The following PFKFB4 variants were observed in gnomAD, a reference collection of about 807,000 sequenced individuals.
The protein encoded by PFKFB4 is 6-phosphofructo-2-kinase/fructose-2,6-bisphosphatase 4.
PFKFB4 carries 42 observed loss-of-function variants against 62.8 expected under a neutral mutation model. That is an observed-to-expected ratio of 0.67 (90% confidence interval 0.52 to 0.86). PFKFB4 has a LOEUF of 0.86. PFKFB4 is among the 40% of genes least tolerant of loss of function. The pLI is 0.00. For missense variants in PFKFB4, 475 were observed against 627.2 expected (o/e 0.76, Z 2.59); for synonymous variants, 204 against 240.7 (o/e 0.85, Z 1.41).
At chr3:48,562,817 G>T, upstream of PFKFB4, 1 of 1,568,196 alleles carries the variant, frequency 6.4e-7, no homozygotes, top group Non-Finnish European at 8.6e-7. The surrounding 1 kb of genome is among the most constrained non-coding windows in gnomAD (Gnocchi z 4.3). Context: ...CAGGATGCGG[G>T]CGTTGGTGGT....
At chr3:48,556,887 G>T, upstream of PFKFB4, 1 of 1,448,754 alleles carries the variant, frequency 6.9e-7, no homozygotes, top group Non-Finnish European at 9.1e-7. This position sits in a 1 kb window ranked among gnomAD's most constrained non-coding sequence, Gnocchi z 5.7. Flanking sequence ...AGCCGCGACA[G>T]CCCATGTCTA....
chr3:48,548,740 G>A (rs2043038793), intron 3 of PFKFB4: 1 of 152,134 alleles, frequency 6.6e-6, no homozygotes, highest in African/African-American at 2.4e-5. Flanking sequence ...CTTTTTATCT[G>A]GCTCAATATA....
chr3:48,538,405 C>T, intron 7 of PFKFB4, 93 bp downstream of exon 7: 2 of 1,494,112 alleles, frequency 1.3e-6, no homozygotes, highest in Non-Finnish European at 1.8e-6. Context: ...TTTGGTCCTC[C>T]AGCCACCACC....
At chr3:48,532,139 T>C (rs1486245634) in intron 9 of PFKFB4, among the ~76,000 whole-genome samples, 3 of 152,090 alleles carry the variant, frequency 2.0e-5, no homozygotes, top group African/African-American at 7.2e-5. Context: ...AAACCCTGTC[T>C]CTACTAAAAA....
chr3:48,539,834 C>G (rs1376197762), intron 4 of PFKFB4, 63 bp from the exon 5 acceptor site: 21 of 1,361,948 alleles, frequency 1.5e-5, no homozygotes, highest in Non-Finnish European at 4.2e-6. Flanking sequence ...CAGAGTGGGC[C>G]CTGAAGTGGG....
chr3:48,538,751 A>C, intron 6 of PFKFB4, 132 bp from the exon 7 acceptor site: 1 of 1,145,176 alleles, frequency 8.7e-7, no homozygotes, highest in Non-Finnish European at 1.2e-6. Flanking sequence ...TGAGGCTGGA[A>C]GCTGAGGTGG....
chr3:48,556,850 C>T (rs1002374551), upstream of PFKFB4: 80 of 1,510,954 alleles, frequency 5.3e-5, no homozygotes, highest in Non-Finnish European at 6.9e-5. The surrounding 1 kb of genome is among the most constrained non-coding windows in gnomAD (Gnocchi z 5.7). Flanking sequence ...ACCCGAGGTC[C>T]CGCCCCTTGG....
At chr3:48,539,659 C>A in intron 5 of PFKFB4, 38 bp downstream of exon 5, 1 of 1,546,028 alleles carries the variant, frequency 6.5e-7, no homozygotes, top group South Asian at 1.1e-5. Flanking sequence ...GGGGACATGC[C>A]ACAGTTCCGC....
chr3:48,524,792 G>A (rs918954730), intron 10 of PFKFB4, among the ~76,000 whole-genome samples: 1 of 152,170 alleles, frequency 6.6e-6, no homozygotes, highest in Non-Finnish European at 1.5e-5. Flanking sequence ...TTGACGGGGT[G>A]TATTTTTATT....
At chr3:48,531,547 C>T (rs1021555550) in intron 9 of PFKFB4, among the ~76,000 whole-genome samples, 1 of 151,540 alleles carries the variant, frequency 6.6e-6, no homozygotes, top group African/African-American at 2.4e-5. Context: ...TCTCCAACTC[C>T]TGACCTCAGG....
intron 1 of PFKFB4, among the ~76,000 whole-genome samples, chr3:48,554,924 C>T (rs2043265716): frequency 6.6e-6 from 1 of 152,026 alleles, no homozygotes; most frequent in Non-Finnish European, 1.5e-5. Context: ...GTGGCGCATA[C>T]CTGTAATCCC....
chr3:48,562,771 C>A (rs775292544), upstream of PFKFB4: 3 of 1,532,586 alleles, frequency 2.0e-6, no homozygotes, highest in South Asian at 2.4e-5. This position sits in a 1 kb window ranked among gnomAD's most constrained non-coding sequence, Gnocchi z 4.3. Context: ...ATCACTGTGA[C>A]CCCCTCTCTC....
intron 1 of PFKFB4, among the ~76,000 whole-genome samples, chr3:48,554,367 C>T (rs952996335): frequency 6.6e-6 from 1 of 152,218 alleles, no homozygotes; most frequent in Non-Finnish European, 1.5e-5. Flanking sequence ...TCACTGCTTA[C>T]CCACTCCCTG....
At chr3:48,527,384 G>T (rs2042297124) in intron 9 of PFKFB4, among the ~76,000 whole-genome samples, 2 of 150,528 alleles carry the variant, frequency 1.3e-5, no homozygotes, top group Non-Finnish European at 2.9e-5. Flanking sequence ...AGGCTCAGGT[G>T]ATCCTCCCAC....
upstream of PFKFB4, chr3:48,562,822 G>T: frequency 2.5e-6 from 4 of 1,572,758 alleles, no homozygotes; most frequent in South Asian, 2.3e-5. The surrounding 1 kb of genome is among the most constrained non-coding windows in gnomAD (Gnocchi z 4.3). Context: ...TGCGGGCGTT[G>T]GTGGTGGCCT....
intron 3 of PFKFB4, among the ~76,000 whole-genome samples, chr3:48,547,207 G>A (rs562690023): frequency 5.9e-5 from 9 of 152,286 alleles, no homozygotes; most frequent in Admixed American, 1.3e-4. Flanking sequence ...CTTGAATTAC[G>A]TGTGGCTTAA....
rs1256065719 is a variant in PFKFB4 at position 48,549,954 on chromosome 3, T to C, written c.221A>G (p.Asn74Ser). ...CACGTCCCGGCGATACTGGCCAACATTGAACTCTGGAGGGAAGGAGAGGCT... is the reference window on the plus strand; with the variant it reads ...CACGTCCCGGCGATACTGGCCAACACTGAACTCTGGAGGGAAGGAGAGGCT... The part of the protein sequence containing the change: ...NWIGVPTREF[N>S]VGQYRRDVVK... Residue 74 changes from asparagine to serine, a missense_variant, in exon 3 of 14, where the codon AAT (asparagine) becomes AGT (serine). Transcript: ENST00000232375. The C allele has an allele frequency of 6.8e-6, 11 of 1,612,190 alleles. No individual in the cohort carries two copies. The highest frequency in any genetic ancestry group is 1.7e-4 in the Middle Eastern group (1 of 6,060).
At chr3:48,535,369 C>T in intron 9 of PFKFB4, 143 bp downstream of exon 9, 1 of 742,786 alleles carries the variant, frequency 1.3e-6, no homozygotes, top group Non-Finnish European at 2.2e-6. Context: ...GCCTTTTCCT[C>T]TCTGCTCCCA....
rs1369772211 is a variant in PFKFB4 at position 48,556,115 on chromosome 3, C to T, written c.97+566G>A. The T allele has an allele frequency of 1.3e-5, 6 of 456,710 alleles. No homozygotes were observed. Among genetic ancestry groups the T allele is most frequent in the East Asian group, 1.4e-4 (2 of 14,420 alleles). 28.3% of individuals were successfully genotyped at this position (456,710 alleles called of 1,614,324 possible). A position where few individuals can be genotyped will look rare whatever the true frequency, so the allele number is the denominator to read the frequency against. On this transcript the variant is annotated intron_variant, in intron 1 of 13. Coordinates refer to ENST00000232375, the MANE Select transcript of PFKFB4 (RefSeq NM_004567.4). The surrounding 1 kb of genome is among the most constrained non-coding windows in gnomAD (Gnocchi z 5.7). ...CCCGGGACACAGACACAGGCCCACA[C>T]GGCATACTTTTCTGTCTCTATCCTG... is the stretch of plus-strand genomic sequence containing the variant.
Sources: gnomAD v4.1 joint callset for allele counts (sites outside exome capture counted in the v4.1 genomes callset) on GRCh38, gnomAD v4.1.1 for gene constraint, Gnocchi (gnomAD v3.1) non-coding constraint, MANE v1.5 for transcripts, NCBI Gene and HGNC (gene_info 2026-07-23, HGNC 2026-07-21) for gene names.